The following FGF10 variants were observed in gnomAD, a reference collection of about 807,000 sequenced individuals.
FGF10 encodes the protein FGF-10.
In FGF10, 2 loss-of-function variants were observed where a neutral mutation model predicts 19.8. The observed-to-expected ratio is 0.10, with a 90% CI of 0.04 to 0.32. FGF10 has a LOEUF of 0.32. Ranked by LOEUF, FGF10 falls within the 10% of genes least tolerant of loss-of-function variation. FGF10 has a pLI of 1.00. For synonymous variants in FGF10, 112 were observed against 94.0 expected (o/e 1.19, Z -1.10); for missense variants, 191 against 246.3 (o/e 0.78, Z 1.50).
chr5:44,373,344 A>T (rs1741785604), intron 1 of FGF10, among the ~76,000 whole-genome samples: 1 of 152,102 alleles, frequency 6.6e-6, no homozygotes, highest in Admixed American at 6.5e-5. Context: ...GAATCTCCCA[A>T]CTTAGCATCT....
chr5:44,382,936 C>G (rs1363540458), intron 1 of FGF10, among the ~76,000 whole-genome samples: 1 of 152,022 alleles, frequency 6.6e-6, no homozygotes, highest in East Asian at 1.9e-4. Flanking sequence ...CTCTTCATTG[C>G]AAAGTTCACA....
Position 44,305,092 on chromosome 5 carries a change from T to A in FGF10, c.530A>T (p.Tyr177Phe), listed in dbSNP as rs1453394033. 3.1e-6 allele frequency: 5 copies of A among 1,614,020 alleles called. No homozygotes were observed. The highest frequency in any genetic ancestry group is 1.1e-5 in the South Asian group (1 of 91,086). Reference sequence around the variant, plus strand: ...AGCTCCTTTTCCATTCAATGCCACATACATTTGCCTCCCATTATGCTGCCA... The same window carrying A: ...AGCTCCTTTTCCATTCAATGCCACAAACATTTGCCTCCCATTATGCTGCCA... ...FNWQHNGRQM[Y>F]VALNGKGAPR... The change falls in exon 3 of 3, where the codon TAT becomes TTT. Residue 177 changes from tyrosine to phenylalanine, a missense_variant. By Grantham distance (22) the Tyr-to-Phe change is conservative. Around this residue, in one of 2 missense-constraint regions of FGF10, gnomAD observed 99 missense variants for 161.7 expected, o/e 0.61. Coordinates refer to ENST00000264664, the MANE Select transcript of FGF10 (RefSeq NM_004465.2).
intron 1 of FGF10, among the ~76,000 whole-genome samples, chr5:44,341,407 G>T (rs1423234914): frequency 6.6e-6 from 1 of 151,748 alleles, no homozygotes; most frequent in African/African-American, 2.4e-5. Context: ...ATACAATGAA[G>T]AAGAAATATG....
At chr5:44,352,125 G>T (rs1025551360) in intron 1 of FGF10, among the ~76,000 whole-genome samples, 1 of 151,608 alleles carries the variant, frequency 6.6e-6, no homozygotes, top group Non-Finnish European at 1.5e-5. Context: ...GGGATGCACT[G>T]CATGGGTGAC....
intron 1 of FGF10, among the ~76,000 whole-genome samples, chr5:44,314,800 T>G (rs928354395): frequency 1.3e-5 from 2 of 152,182 alleles, no homozygotes; most frequent in African/African-American, 4.8e-5. Context: ...GACAAAGGCT[T>G]CTTCTGTTTT....
At chr5:44,336,070 G>A (rs918531570) in intron 1 of FGF10, among the ~76,000 whole-genome samples, 16 of 151,848 alleles carry the variant, frequency 1.1e-4, no homozygotes, top group African/African-American at 3.9e-4. Flanking sequence ...CTTTATCATT[G>A]TATATTAATG....
At chr5:44,384,658 G>C (rs1278712786) in intron 1 of FGF10, among the ~76,000 whole-genome samples, 1 of 151,968 alleles carries the variant, frequency 6.6e-6, no homozygotes, top group Non-Finnish European at 1.5e-5. Flanking sequence ...GAATGACCTT[G>C]GACAATTTAC....
chr5:44,366,063 A>C (rs542699617), intron 1 of FGF10, among the ~76,000 whole-genome samples: 7 of 145,120 alleles, frequency 4.8e-5, no homozygotes, highest in Non-Finnish European at 1.1e-4. Flanking sequence ...TGATTATAAT[A>C]TTCCCAGATT....
At chr5:44,383,195 A>C (rs1026133942) in intron 1 of FGF10, among the ~76,000 whole-genome samples, 7 of 152,034 alleles carry the variant, frequency 4.6e-5, no homozygotes, top group Non-Finnish European at 8.8e-5. Context: ...TTGGATAATA[A>C]ATGGGGTTTG....
intron 1 of FGF10, among the ~76,000 whole-genome samples, chr5:44,323,526 C>A (rs1740544752): frequency 6.6e-6 from 1 of 152,108 alleles, no homozygotes; most frequent in Non-Finnish European, 1.5e-5. Flanking sequence ...ATTACTCATT[C>A]TTTAGTAAGA....
At chr5:44,330,544 T>G (rs1740708840) in intron 1 of FGF10, among the ~76,000 whole-genome samples, 1 of 152,212 alleles carries the variant, frequency 6.6e-6, no homozygotes, top group Admixed American at 6.5e-5. Flanking sequence ...CATGAGTGTG[T>G]CACTAATATT....
chr5:44,349,441 T>TATATATATATATCAGA (rs1741172715), intron 1 of FGF10, among the ~76,000 whole-genome samples: 2 of 12,412 alleles, frequency 1.6e-4, no homozygotes, highest in East Asian at 2.0e-3. Flanking sequence ...TATATATATA[T>TATATATATATATCAGA]ATATATATAT....
rs566337874 is a variant in FGF10, at chr5:44,358,095, A to C, written c.325+30263T>G. ...TTCCACCCTACTTTTGTTTAGGAAC[A>C]GAAAGAATATTATACATAAGAACAT... On this transcript the variant is annotated intron_variant, in intron 1 of 2. Coordinates refer to ENST00000264664, the MANE Select transcript of FGF10 (RefSeq NM_004465.2). Among the ~76,000 whole-genome samples the C allele has an allele frequency of 8.0e-4, 122 of 151,662 alleles. 2 individuals are homozygous for C. The highest frequency in any genetic ancestry group is 2.7e-3 in the African/African-American group (114 of 41,486).
In FGF10 at chr5:44,323,071, G is replaced by A. The variant is rs144314967; in HGVS notation, c.326-12541C>T. Among the ~76,000 whole-genome samples the A allele has an allele frequency of 7.4e-4, 112 of 152,134 alleles. No individual in the cohort carries two copies. The East Asian group carries it at 8.1e-3, about 11-fold the overall frequency. On this transcript the variant is annotated intron_variant, in intron 1 of 2. Coordinates refer to ENST00000264664, the MANE Select transcript of FGF10 (RefSeq NM_004465.2). ...AGGAGATGTTTAATCAATATGTTTT[G>A]GAAGGTCCTGGCTTTCTGGACTACA...
intron 1 of FGF10, among the ~76,000 whole-genome samples, chr5:44,373,950 G>T (rs1220271231): frequency 6.6e-6 from 1 of 152,112 alleles, no homozygotes; most frequent in East Asian, 1.9e-4. Context: ...ATCTGTATTG[G>T]TTTCTTATGG....
intron 1 of FGF10, among the ~76,000 whole-genome samples, chr5:44,323,256 C>G (rs1178839131): frequency 6.6e-6 from 1 of 152,138 alleles, no homozygotes; most frequent in African/African-American, 2.4e-5. Context: ...TCATTTCTGA[C>G]TACTAAATAC....
chr5:44,338,953 T>C (rs1479492685), intron 1 of FGF10, among the ~76,000 whole-genome samples: 1 of 152,190 alleles, frequency 6.6e-6, no homozygotes, highest in African/African-American at 2.4e-5. Context: ...GGAACATCAG[T>C]TAGAATGTGG....
At chr5:44,329,801 C>T (rs1030233834) in intron 1 of FGF10, among the ~76,000 whole-genome samples, 5 of 152,114 alleles carry the variant, frequency 3.3e-5, no homozygotes, top group Non-Finnish European at 5.9e-5. Context: ...GGGTAATTGG[C>T]AAGACCTTGT....
intron 1 of FGF10, among the ~76,000 whole-genome samples, chr5:44,354,863 T>TGCCTGCTTCTTA (rs1741311683): frequency 6.6e-6 from 1 of 151,530 alleles, no homozygotes; most frequent in African/African-American, 2.4e-5. Flanking sequence ...TGCACAGTCC[T>TGCCTGCTTCTTA]GCCTGCTTCT....
Sources: allele counts gnomAD v4.1 joint callset (sites outside exome capture counted in the v4.1 genomes callset), GRCh38; gene constraint gnomAD v4.1.1; regional missense constraint gnomAD v4.1.1; transcripts MANE v1.5; gene names NCBI Gene and HGNC (gene_info 2026-07-23, HGNC 2026-07-21).